The following MAST2 variants were observed in gnomAD, a reference collection of about 807,000 sequenced individuals.
The protein encoded by MAST2 is microtubule associated serine/threonine kinase 2.
MAST2 carries 70 observed loss-of-function variants against 147.4 expected under a neutral mutation model. The observed-to-expected ratio is 0.47, with a 90% CI of 0.39 to 0.58. The LOEUF is 0.58. MAST2 is among the 20% of genes least tolerant of loss of function. The pLI is 0.00. For synonymous variants in MAST2, 869 were observed against 896.8 expected (o/e 0.97, Z 0.55); for missense variants, 2,080 against 2,302.3 (o/e 0.90, Z 1.98).
intron 3 of MAST2, among the ~76,000 whole-genome samples, chr1:45,857,831 A>G (rs957554307): frequency 1.6e-5 from 2 of 127,930 alleles, no homozygotes; most frequent in Non-Finnish European, 3.3e-5. Flanking sequence ...TTTCCTACCT[A>G]TGAGTGAGAA....
At chr1:46,019,792 C>T in intron 11 of MAST2, 95 bp downstream of exon 11, 1 of 1,045,442 alleles carries the variant, frequency 9.6e-7, no homozygotes, top group South Asian at 1.3e-5. Flanking sequence ...GTAACCACTG[C>T]CATTTCTGTT....
At position 46,031,575 on chromosome 1, in the gene MAST2, C is replaced by G. The variant is rs1391078759; in HGVS notation, c.3177C>G (p.Leu1059=). The G allele has an allele frequency of 6.2e-7, 1 of 1,612,056 alleles. No individual in the cohort carries two copies. The highest frequency in any genetic ancestry group is 8.5e-7 in the Non-Finnish European group (1 of 1,178,462). The change falls in exon 24 of 29, where the codon CTC becomes CTG. Residue 1059 remains leucine (L), a synonymous_variant. Coordinates refer to ENST00000361297, the MANE Select transcript of MAST2 (RefSeq NM_015112.3). This position sits in a 1 kb window ranked among gnomAD's most constrained non-coding sequence, Gnocchi z 4.1. ...CCTCAGCCACAGCCCTCTCACTCCT[C>G]ATTCCTTCGGGTGAGGCCCCTGGGG... is the stretch of plus-strand genomic sequence containing the variant. ...KSASATALSL[L]IPSEHHTCSP...
At chr1:45,824,135 A>G (rs1421821586) in intron 1 of MAST2, among the ~76,000 whole-genome samples, 2 of 152,208 alleles carry the variant, frequency 1.3e-5, no homozygotes, top group African/African-American at 4.8e-5. Context: ...ATAAACATAA[A>G]TAAACTTAAC....
At chr1:45,890,387 G>A (rs1647549962) in intron 4 of MAST2, among the ~76,000 whole-genome samples, 1 of 152,196 alleles carries the variant, frequency 6.6e-6, no homozygotes, top group Non-Finnish European at 1.5e-5. Context: ...AACATGCTAA[G>A]TTTCTGGTAA....
intron 5 of MAST2, among the ~76,000 whole-genome samples, chr1:45,978,131 G>A (rs1217451594): frequency 2.6e-5 from 4 of 152,140 alleles, no homozygotes; most frequent in Non-Finnish European, 5.9e-5. Context: ...ATTGAAAAAT[G>A]GCCAAGGGAC....
At chr1:45,905,987 T>C (rs538275937) in intron 4 of MAST2, among the ~76,000 whole-genome samples, 30 of 152,314 alleles carry the variant, frequency 2.0e-4, no homozygotes, top group Non-Finnish European at 3.8e-4. Flanking sequence ...AGCCATTTTA[T>C]TGAGTGTATA....
chr1:45,851,242 T>C (rs1205483285), intron 3 of MAST2, among the ~76,000 whole-genome samples: 2 of 152,134 alleles, frequency 1.3e-5, no homozygotes, highest in African/African-American at 2.4e-5. Flanking sequence ...CTATTGTAAA[T>C]GGGACTGCAT....
chr1:46,010,824 T>C lies in MAST2; in HGVS notation c.1073T>C (p.Ile358Thr). The C allele has an allele frequency of 6.2e-7, 1 of 1,614,232 alleles. No individual in the cohort carries two copies. The highest frequency in any genetic ancestry group is 8.5e-7 in the Non-Finnish European group (1 of 1,180,030). The stretch of plus-strand genomic sequence containing the variant: ...TTGGCAGATGGAGCCCTGAGCTTTA[T>C]TCATCATCAGGTGATTGAGATGGCC... The part of the protein sequence containing the change: ...LPLADGALSF[I>T]HHQVIEMARD... The change falls in exon 10 of 29, where the codon ATT becomes ACT. Residue 358 changes from isoleucine (I) to threonine (T), a missense_variant. Physicochemically the swap from Ile to Thr is moderately conservative, Grantham distance 89. Coordinates refer to ENST00000361297, the MANE Select transcript of MAST2 (RefSeq NM_015112.3).
chr1:45,837,706 G>A (rs1249258353), intron 3 of MAST2, among the ~76,000 whole-genome samples: 1 of 152,152 alleles, frequency 6.6e-6, no homozygotes, highest in African/African-American at 2.4e-5. Context: ...CTGCCAACCT[G>A]TTTTCTAAAG....
intron 4 of MAST2, among the ~76,000 whole-genome samples, chr1:45,896,671 C>T (rs898450855): frequency 2.0e-5 from 3 of 152,146 alleles, no homozygotes; most frequent in African/African-American, 4.8e-5. Flanking sequence ...TGAGGCCTAA[C>T]GCAGCCAACA....
intron 4 of MAST2, among the ~76,000 whole-genome samples, chr1:45,919,348 C>CGAATA (rs1469106616): frequency 6.6e-6 from 1 of 151,610 alleles, no homozygotes; most frequent in Non-Finnish European, 1.5e-5. Flanking sequence ...ATTAGCTATT[C>CGAATA]ATTCAGGAAC....
At chr1:45,928,128 C>G (rs774723396) in intron 4 of MAST2, among the ~76,000 whole-genome samples, 10 of 152,162 alleles carry the variant, frequency 6.6e-5, no homozygotes, top group Non-Finnish European at 1.3e-4. Context: ...TACTACATCC[C>G]CAGTATCGTC....
chr1:45,989,742 C>T (rs900412945), intron 5 of MAST2, among the ~76,000 whole-genome samples: 1 of 54,504 alleles, frequency 1.8e-5, no homozygotes, highest in African/African-American at 1.1e-4. Flanking sequence ...ACCTATTTGT[C>T]CCTCATCATT....
intron 4 of MAST2, among the ~76,000 whole-genome samples, chr1:45,890,128 G>A (rs778675498): frequency 8.5e-5 from 13 of 152,118 alleles, no homozygotes; most frequent in Non-Finnish European, 1.3e-4. Context: ...TATGAAAGGC[G>A]TTCCTGACCT....
chr1:45,838,372 A>G (rs1256736324), intron 3 of MAST2, among the ~76,000 whole-genome samples: 1 of 151,158 alleles, frequency 6.6e-6, no homozygotes, highest in Non-Finnish European at 1.5e-5. Context: ...GGCATGCACC[A>G]CCATGCCTGG....
chr1:45,865,126 G>C (rs1408470388), intron 3 of MAST2: 1 of 456,554 alleles, frequency 2.2e-6, no homozygotes, highest in Non-Finnish European at 4.4e-6. Context: ...ATTCTGAGAA[G>C]GAGAGGGTTA....
chr1:45,957,587 A>G (rs144867073), intron 4 of MAST2, among the ~76,000 whole-genome samples: 1 of 152,300 alleles, frequency 6.6e-6, no homozygotes, highest in Non-Finnish European at 1.5e-5. Context: ...TCAGTCACCC[A>G]AGTAGCTAGG....
intron 4 of MAST2, among the ~76,000 whole-genome samples, chr1:45,901,376 C>G (rs1649734350): frequency 6.6e-6 from 1 of 152,104 alleles, no homozygotes; most frequent in Non-Finnish European, 1.5e-5. Flanking sequence ...GTTTTTGTAC[C>G]AGTACCATGA....
chr1:45,997,862 A>G (rs1013432737), intron 6 of MAST2, 63 bp downstream of exon 6: 11 of 1,315,278 alleles, frequency 8.4e-6, no homozygotes, highest in Non-Finnish European at 1.2e-5. Flanking sequence ...GGGTTAATTG[A>G]ATGTCAGATT....
Sources: gnomAD v4.1 joint callset for allele counts (sites outside exome capture counted in the v4.1 genomes callset) on GRCh38, gnomAD v4.1.1 for gene constraint, Gnocchi (gnomAD v3.1) non-coding constraint, MANE v1.5 for transcripts, NCBI Gene and HGNC (gene_info 2026-07-23, HGNC 2026-07-21) for gene names.